TNRC18: variants seen among roughly 807,000 people sequenced by gnomAD.
TNRC18 encodes the protein trinucleotide repeat-containing gene 18 protein.
TNRC18 carries 69 observed loss-of-function variants against 226.7 expected under a neutral mutation model. The ratio of observed to expected loss-of-function variants is 0.30; its 90% CI spans 0.25 to 0.37. TNRC18 has a LOEUF of 0.37. TNRC18 is among the 10% of genes least tolerant of loss of function. TNRC18 has a pLI of 1.00. For synonymous variants in TNRC18, 2,449 were observed against 1,927.6 expected, an observed-to-expected ratio of 1.27 and a Z score of -7.09; for missense variants, 4,754 against 4,256.6, an observed-to-expected ratio of 1.12 and a Z score of -3.25.
At chr7:5,382,026 C>T (rs928558261) in intron 5 of TNRC18, among the ~76,000 whole-genome samples, 2 of 151,110 alleles carry the variant, frequency 1.3e-5, no homozygotes, top group African/African-American at 4.8e-5. Context: ...GATAAATAAA[C>T]AAAGGCTGTC....
chr7:5,341,749 C>A (rs186589581), intron 18 of TNRC18, among the ~76,000 whole-genome samples: 1,388 of 120,242 alleles, frequency 0.012, 12 homozygotes, highest in Non-Finnish European at 0.017. Flanking sequence ...GGCAAAAGAG[C>A]GAGACTCCGT....
At chr7:5,349,372 A>T (rs1292991939) in intron 17 of TNRC18, among the ~76,000 whole-genome samples, 3 of 152,080 alleles carry the variant, frequency 2.0e-5, no homozygotes, top group Non-Finnish European at 4.4e-5. Context: ...GGGAGGGGGG[A>T]AAAAAGTCCC....
chr7:5,362,815 C>A lies in TNRC18; in HGVS notation c.4230G>T (p.Arg1410=), dbSNP rs948861511. 10 of 1,544,214 alleles carry A rather than the reference C, an allele frequency of 6.5e-6. No homozygotes were observed. The African/African-American group carries it at 1.4e-4, about 21-fold the overall frequency. Residue 1410 remains arginine (R), a synonymous_variant, in exon 12 of 30, where the codon CGG becomes CGT. Transcript: ENST00000430969. ...CCAGGGAGGGCCGCGCCACCAGGGCCCGCTCCGCACCTGTGGACAGGAGGT... is the reference window on the plus strand; with the variant it reads ...CCAGGGAGGGCCGCGCCACCAGGGCACGCTCCGCACCTGTGGACAGGAGGT... ...RRSQEMGGAE[R]ALVARPSLES...
chr7:5,391,770 G>T (rs1428584297), intron 3 of TNRC18, among the ~76,000 whole-genome samples: 4 of 150,520 alleles, frequency 2.7e-5, no homozygotes, highest in Non-Finnish European at 4.4e-5. Context: ...GCCGATGGGG[G>T]AGGATTGCTT....
Position 5,389,085 on chromosome 7 carries a change from C to T in TNRC18, c.739G>A (p.Ala247Thr), listed in dbSNP as rs1389467560. ...GGCCCCCGGTCCTGGCGGCCCTCGGCGCGCGCCTCCTGGGTCAGGTCCACC... is the reference window on the plus strand; with the variant it reads ...GGCCCCCGGTCCTGGCGGCCCTCGGTGCGCGCCTCCTGGGTCAGGTCCACC... ...GVVDLTQEAR[A>T]EGRQDRGPPR... Residue 247 changes from alanine to threonine, a missense_variant, in exon 5 of 30, where the codon GCC becomes ACC. Transcript: ENST00000430969. 6 of 1,289,492 alleles carry T rather than the reference C, an allele frequency of 4.7e-6. No individual in the cohort carries two copies. The Admixed American group carries it at 1.3e-4, about 29-fold the overall frequency. The allele number at this position is 1,289,492 out of a possible 1,614,324, so 79.9% of individuals were successfully genotyped here.
At chr7:5,320,732 A>G (rs1788265113) in intron 22 of TNRC18, 125 bp from the exon 23 acceptor site, 1 of 807,680 alleles carries the variant, frequency 1.2e-6, no homozygotes, top group African/African-American at 1.7e-5. Context: ...AGGTTTGCTG[A>G]CTTGCTGAAT....
At chr7:5,374,971 G>A (rs12536551) in intron 9 of TNRC18, among the ~76,000 whole-genome samples, 44,684 of 151,982 alleles carry the variant, frequency 0.29, 7,411 homozygotes, top group Non-Finnish European at 0.39. Flanking sequence ...GAGGGAGTCA[G>A]CTCGGCGACC....
intron 19 of TNRC18, chr7:5,325,670 C>T (rs1354254279): frequency 7.3e-5 from 12 of 164,770 alleles, no homozygotes; most frequent in South Asian, 5.9e-4. Flanking sequence ...GTGATCTGCC[C>T]GCCTCGGCCT....
At chr7:5,410,976 C>T (rs1409554185) in intron 2 of TNRC18, among the ~76,000 whole-genome samples, 6 of 149,952 alleles carry the variant, frequency 4.0e-5, no homozygotes, top group Non-Finnish European at 8.9e-5. Context: ...GAGGCCGAGG[C>T]AGGTGGATCA....
At chr7:5,391,014 G>C (rs1025064828) in intron 3 of TNRC18, among the ~76,000 whole-genome samples, 3 of 152,168 alleles carry the variant, frequency 2.0e-5, no homozygotes, top group African/African-American at 7.2e-5. Context: ...CTCAGAGCAG[G>C]CCACTTGCCC....
Position 5,312,804 on chromosome 7 carries a change from T to C in TNRC18, c.8087A>G (p.Gln2696Arg). ...GGTGGCCTTGGTGGGGAGCGCCGCC[T>C]GCGCGGAAGGGCCAGCCGTGGGGGC... ...APAPTAGPSAQAALPTKATKQ... is the reference protein window; with the variant it reads ...APAPTAGPSARAALPTKATKQ... The change falls in exon 27 of 30, where the codon CAG becomes CGG. Residue 2696 changes from glutamine (Q) to arginine (R), a missense_variant. Transcript: ENST00000430969. This position sits in a 1 kb window ranked among gnomAD's most constrained non-coding sequence, Gnocchi z 6.3. 2 of 1,533,798 alleles carry C rather than the reference T, an allele frequency of 1.3e-6. No individual in the cohort carries two copies. The highest frequency in any genetic ancestry group is 1.7e-6 in the Non-Finnish European group (2 of 1,144,600).
chr7:5,383,237 T>C (rs1779522699), intron 5 of TNRC18, among the ~76,000 whole-genome samples: 1 of 152,150 alleles, frequency 6.6e-6, no homozygotes, highest in Admixed American at 6.6e-5. Context: ...TTCTTGGGCA[T>C]GGGGGCTCTG....
At chr7:5,378,216 C>T (rs1321629083) in intron 5 of TNRC18, among the ~76,000 whole-genome samples, 192 bp from the exon 6 acceptor site, 1 of 152,110 alleles carries the variant, frequency 6.6e-6, no homozygotes, top group Non-Finnish European at 1.5e-5. Context: ...AACTGGGGTT[C>T]CTCAGGGCCA....
intron 2 of TNRC18, among the ~76,000 whole-genome samples, chr7:5,411,215 C>CAAAAAAAAAAAAAAAAAAA (rs35392221): frequency 1.3e-5 from 1 of 75,994 alleles, no homozygotes; most frequent in Non-Finnish European, 2.6e-5. Flanking sequence ...GACTCCATCT[C>CAAAAAAAAAAAAAAAAAAA]AAAAAAAAAA....
At chr7:5,399,432 C>T (rs181029707) in intron 2 of TNRC18, among the ~76,000 whole-genome samples, 1 of 152,224 alleles carries the variant, frequency 6.6e-6, no homozygotes, top group East Asian at 1.9e-4. Flanking sequence ...AAAACACACA[C>T]CTGGGCACAG....
chr7:5,376,630 G>A (rs563600452), intron 8 of TNRC18, among the ~76,000 whole-genome samples: 68 of 152,280 alleles, frequency 4.5e-4, no homozygotes, highest in South Asian at 1.7e-3. Flanking sequence ...TGCCTGTCTC[G>A]CTTCTCTTTA....
intron 10 of TNRC18, among the ~76,000 whole-genome samples, 186 bp downstream of exon 10, chr7:5,373,869 G>A (rs1272387587): frequency 6.6e-6 from 1 of 152,030 alleles, no homozygotes; most frequent in Non-Finnish European, 1.5e-5. Flanking sequence ...GAGGGGCCGG[G>A]GAGAGGCTGG....
Position 5,313,030 on chromosome 7 carries a change from AGG to A in TNRC18, c.7859_7860del (p.Ser2620PhefsTer64), listed in dbSNP as rs1787424520. On this transcript the variant is annotated frameshift_variant, in exon 27 of 30. Transcript: ENST00000430969. LOFTEE classifies it high-confidence loss of function. ...GAGGAGGAGGAGGAGGAGGAGGAGG[AGG>A]ATGAGGAGGAGGAGGAGGAGGCCGG... ...ASPASSSSSS[S>X]SSSSSSSSSS... is the part of the protein sequence containing the mutation. The A allele has an allele frequency of 9.9e-6, 9 of 904,938 alleles. No homozygotes were observed. In the East Asian group the frequency reaches 2.0e-4, roughly 20 times the overall value. 56.1% of individuals were successfully genotyped at this position (904,938 alleles called of 1,614,324 possible).
At chr7:5,314,932 T>A (rs1232750085) in intron 26 of TNRC18, 52 bp downstream of exon 26, 1 of 1,536,382 alleles carries the variant, frequency 6.5e-7, no homozygotes, top group East Asian at 2.4e-5. Flanking sequence ...TGAGTTTGGA[T>A]GCACGAAGGA....
Sources: allele counts gnomAD v4.1 joint callset (sites outside exome capture counted in the v4.1 genomes callset), GRCh38; gene constraint gnomAD v4.1.1; non-coding constraint Gnocchi (gnomAD v3.1); transcripts MANE v1.5; gene names NCBI Gene and HGNC (gene_info 2026-07-23, HGNC 2026-07-21).